COLEC10: variants seen among roughly 807,000 people sequenced by gnomAD.
COLEC10 encodes collectin subfamily member 10, also known as collectin-10.
A neutral mutation model predicts 28.4 loss-of-function variants in COLEC10; 22 were observed. The observed-to-expected ratio is 0.78, with a 90% CI of 0.55 to 1.11. The LOEUF (loss-of-function observed/expected upper bound fraction) is 1.11, where lower values mean the gene tolerates loss of function less well. Ranked by LOEUF, COLEC10 falls within the 50% of genes least tolerant of loss-of-function variation. The pLI, the probability that COLEC10 is intolerant of heterozygous loss-of-function variation, is 0.00. For synonymous variants in COLEC10, 125 were observed against 116.1 expected (o/e 1.08, Z -0.49); for missense variants, 361 against 344.1 (o/e 1.05, Z -0.39).
the COLEC10 span, among the ~76,000 whole-genome samples, chr8:118,986,176 T>C: frequency 3.9e-4 from 59 of 152,146 alleles, no homozygotes; most frequent in African/African-American, 1.3e-3. Context: ...ATGAAGTTAC[T>C]AGAAATGACA....
At chr8:119,014,760 T>C (rs1411272243) in intron 2 of COLEC10, among the ~76,000 whole-genome samples, 1 of 151,168 alleles carries the variant, frequency 6.6e-6, no homozygotes, top group Admixed American at 6.6e-5. Context: ...TTTGCTTCTT[T>C]TTTGCTTTTA....
chr8:119,093,938 T>A (rs1475203101), intron 3 of COLEC10, among the ~76,000 whole-genome samples: 2 of 152,114 alleles, frequency 1.3e-5, no homozygotes, highest in Admixed American at 6.5e-5. Flanking sequence ...AGTTTTGGAG[T>A]GGATACAAGA....
chr8:119,074,916 T>C (rs1171549539), intron 1 of COLEC10, among the ~76,000 whole-genome samples: 1 of 152,162 alleles, frequency 6.6e-6, no homozygotes, highest in Non-Finnish European at 1.5e-5. Context: ...ATGAGGATGA[T>C]AATAGTGTGA....
intron 1 of COLEC10, among the ~76,000 whole-genome samples, chr8:119,077,182 T>A (rs929050276): frequency 6.6e-6 from 1 of 151,434 alleles, no homozygotes; most frequent in Non-Finnish European, 1.5e-5. Flanking sequence ...ACACTTAAGA[T>A]GACATTTTAC....
chr8:119,012,609 TGTCTTG>T (rs1477128420), intron 2 of COLEC10, among the ~76,000 whole-genome samples: 2 of 150,754 alleles, frequency 1.3e-5, no homozygotes, highest in Non-Finnish European at 2.9e-5. Context: ...TAGTGTTTTG[TGTCTTG>T]GAAGGTTATT....
At chr8:119,034,251 G>T (rs1166834955) in intron 2 of COLEC10, among the ~76,000 whole-genome samples, 1 of 152,086 alleles carries the variant, frequency 6.6e-6, no homozygotes, top group Non-Finnish European at 1.5e-5. Context: ...GGAGGATGGG[G>T]GGTGGGGAGG....
chr8:119,102,554 C>A, intron 4 of COLEC10, 153 bp downstream of exon 4: 1 of 606,362 alleles, frequency 1.6e-6, no homozygotes, highest in South Asian at 2.4e-5. Context: ...AGGGGACTTT[C>A]CTGTCTCCCT....
intron 2 of COLEC10, among the ~76,000 whole-genome samples, chr8:119,042,292 C>T (rs576083145): frequency 7.9e-5 from 12 of 152,064 alleles, no homozygotes; most frequent in Non-Finnish European, 1.6e-4. Context: ...GCCACTGCAC[C>T]CAGCCGAAGC....
the COLEC10 span, among the ~76,000 whole-genome samples, chr8:118,978,018 A>C: frequency 6.6e-6 from 1 of 152,148 alleles, no homozygotes; most frequent in East Asian, 1.9e-4. Context: ...AGACGTAAGA[A>C]CTAGGAAGAC....
At chr8:119,044,660 G>T (rs1315945210) in intron 2 of COLEC10, among the ~76,000 whole-genome samples, 1 of 152,080 alleles carries the variant, frequency 6.6e-6, no homozygotes, top group Non-Finnish European at 1.5e-5. Flanking sequence ...TTCGAAACCA[G>T]CCTGGCCAAC....
intron 3 of COLEC10, among the ~76,000 whole-genome samples, chr8:119,100,523 T>C (rs1815802724): frequency 6.6e-6 from 1 of 152,206 alleles, no homozygotes; most frequent in Non-Finnish European, 1.5e-5. Flanking sequence ...AGCAGATTGA[T>C]ATTACTGAGC....
intron 2 of COLEC10, among the ~76,000 whole-genome samples, chr8:119,046,200 A>G (rs1387457031): frequency 6.6e-6 from 1 of 152,194 alleles, no homozygotes; most frequent in Non-Finnish European, 1.5e-5. Flanking sequence ...ATGCAGTTGT[A>G]TAACTTTTAG....
chr8:119,061,835 G>A (rs563521499), intron 2 of COLEC10, among the ~76,000 whole-genome samples: 16 of 152,194 alleles, frequency 1.1e-4, no homozygotes, highest in Middle Eastern at 3.4e-3. Context: ...TAACTCTTAG[G>A]ATAACAGCTT....
At chr8:118,987,692 C>T in the COLEC10 span, among the ~76,000 whole-genome samples, 1 of 152,066 alleles carries the variant, frequency 6.6e-6, no homozygotes, top group African/African-American at 2.4e-5. Context: ...GTCTAGACCA[C>T]TATCATTCAT....
At chr8:119,087,931 G>T (rs1040795301) in intron 1 of COLEC10, among the ~76,000 whole-genome samples, 2 of 151,888 alleles carry the variant, frequency 1.3e-5, no homozygotes, top group Non-Finnish European at 2.9e-5. Context: ...TCCTAGAATT[G>T]CTATGATGAC....
the COLEC10 span, among the ~76,000 whole-genome samples, chr8:118,952,765 T>C: frequency 6.6e-5 from 10 of 152,294 alleles, no homozygotes; most frequent in Admixed American, 5.2e-4. Context: ...CTCGAGGTCT[T>C]TCCACTAGCC....
the COLEC10 span, among the ~76,000 whole-genome samples, chr8:118,973,001 G>C: frequency 6.6e-6 from 1 of 152,008 alleles, no homozygotes; most frequent in East Asian, 2.0e-4. Context: ...CTCACTATCA[G>C]AACAGCAGCA....
upstream of COLEC10, among the ~76,000 whole-genome samples, chr8:118,992,249 A>G (rs1026322347): frequency 6.6e-6 from 1 of 152,170 alleles, no homozygotes; most frequent in African/African-American, 2.4e-5. Context: ...AGTTGAAGTG[A>G]AAGGATCTTT....
At chr8:119,055,005 T>C (rs747932569) in intron 2 of COLEC10, among the ~76,000 whole-genome samples, 13 of 152,238 alleles carry the variant, frequency 8.5e-5, no homozygotes, top group East Asian at 7.7e-4. Context: ...AAATCTGTGA[T>C]GTGAATTATC....
Sources: allele counts gnomAD v4.1 joint callset (sites outside exome capture counted in the v4.1 genomes callset), GRCh38; gene constraint gnomAD v4.1.1; transcripts MANE v1.5; gene names NCBI Gene and HGNC (gene_info 2026-07-23, HGNC 2026-07-21).